PPFIBP2: variants seen among roughly 807,000 people sequenced by gnomAD.
PPFIBP2 encodes PPFIB scaffold protein 2.
Under a neutral mutation model 118.3 loss-of-function variants are expected in PPFIBP2, and 118 were observed. The observed-to-expected ratio is 1.00, with a 90% CI of 0.86 to 1.16. The LOEUF is 1.16. Among genes scored for constraint, PPFIBP2 ranks in the 50% most tolerant of loss-of-function variants. PPFIBP2 has a pLI of 0.00. For missense variants in PPFIBP2, 1,195 were observed against 1,073.1 expected, an observed-to-expected ratio of 1.11 and a Z score of -1.59; for synonymous variants, 414 against 397.4, an observed-to-expected ratio of 1.04 and a Z score of -0.50.
chr11:7,588,196 A>C (rs185657629), intron 3 of PPFIBP2, among the ~76,000 whole-genome samples: 5 of 152,292 alleles, frequency 3.3e-5, no homozygotes, highest in African/African-American at 1.2e-4. Flanking sequence ...GAGGGATGGG[A>C]GAGGTAGGGA....
chr11:7,565,914 C>T, intron 3 of PPFIBP2, 147 bp downstream of exon 3: 7 of 838,930 alleles, frequency 8.3e-6, no homozygotes, highest in Non-Finnish European at 1.3e-5. Context: ...TGCAGGGTGG[C>T]CCTTCTTATC....
rs561125580 is a variant in PPFIBP2, at chr11:7,575,315, G to A, written c.279+9548G>A. Among the ~76,000 whole-genome samples the A allele has an allele frequency of 1.1e-3, 173 of 152,352 alleles. 1 individual carries two copies. The highest frequency in any genetic ancestry group is 4.0e-3 in the African/African-American group (166 of 41,578). ...GGAGTGGTCCAGTGTGACAAGGTCA[G>A]TGATGAAGTAGAGAGGGGAATTTAG... On this transcript the variant is annotated intron_variant, in intron 3 of 23. Coordinates refer to ENST00000299492, the MANE Select transcript of PPFIBP2 (RefSeq NM_003621.5).
At chr11:7,518,457 C>T (rs576106431) in intron 1 of PPFIBP2, among the ~76,000 whole-genome samples, 3 of 151,782 alleles carry the variant, frequency 2.0e-5, no homozygotes, top group South Asian at 4.2e-4. Context: ...CGTGTGGTCT[C>T]GATGGCAGCA....
At chr11:7,646,131 T>A (rs1316323125) in intron 17 of PPFIBP2, among the ~76,000 whole-genome samples, 2 of 152,228 alleles carry the variant, frequency 1.3e-5, no homozygotes, top group Non-Finnish European at 2.9e-5. Context: ...ATGAATGATA[T>A]GAATCCATTG....
chr11:7,519,706 G>A (rs549411725), intron 1 of PPFIBP2, among the ~76,000 whole-genome samples: 5 of 152,250 alleles, frequency 3.3e-5, no homozygotes, highest in African/African-American at 1.2e-4. Flanking sequence ...GGACGGAGAC[G>A]ATAAAAGGAG....
At chr11:7,642,883 G>A (rs939806948) in intron 17 of PPFIBP2, among the ~76,000 whole-genome samples, 2 of 152,314 alleles carry the variant, frequency 1.3e-5, no homozygotes, top group Middle Eastern at 3.4e-3. Context: ...CCCTGCGGAA[G>A]GGAGTCTTAG....
At chr11:7,585,270 G>C (rs1220211723) in intron 3 of PPFIBP2, among the ~76,000 whole-genome samples, 5 of 152,164 alleles carry the variant, frequency 3.3e-5, no homozygotes, top group African/African-American at 1.2e-4. Context: ...GCATTTTGAG[G>C]ATCCCAAGGC....
At position 7,610,549 on chromosome 11, in the gene PPFIBP2, G is replaced by A. The variant is rs115698134; in HGVS notation, c.618+127G>A. On this transcript the variant is annotated intron_variant, in intron 6 of 23. Transcript: ENST00000299492. ...CCAGAAATATCTATACACTAGAGATGCAGTGATCTGTTAATACCAAGTTAT... is the reference window on the plus strand; with the variant it reads ...CCAGAAATATCTATACACTAGAGATACAGTGATCTGTTAATACCAAGTTAT... 1.5e-5 allele frequency: 19 copies of A among 1,299,960 alleles called. No homozygotes were observed. In the African/African-American group the frequency reaches 1.9e-4, roughly 13 times the overall value. The allele number at this position is 1,299,960 out of a possible 1,614,324, so 80.5% of individuals were successfully genotyped here. A position where few individuals can be genotyped will look rare whatever the true frequency, so the allele number is the denominator to read the frequency against.
Position 7,628,318 on chromosome 11 carries a change from A to G in PPFIBP2, c.860A>G (p.Glu287Gly), listed in dbSNP as rs1482631642. The part of the protein sequence containing the change: ...QEIQRLKMGM[E>G]TLLLANEDKD... ...ATTCAACGTCTGAAAATGGGGATGGAAACTTTGCTGCTTGCCAATGAAGAT... is the reference window on the plus strand; with the variant it reads ...ATTCAACGTCTGAAAATGGGGATGGGAACTTTGCTGCTTGCCAATGAAGAT... Residue 287 changes from glutamate (E) to glycine (G), a missense_variant, in exon 9 of 24, where the codon GAA becomes GGA. Coordinates refer to ENST00000299492, the MANE Select transcript of PPFIBP2 (RefSeq NM_003621.5). The G allele has an allele frequency of 6.2e-7, 1 of 1,613,988 alleles. No individual in the cohort carries two copies. Among genetic ancestry groups the G allele is most frequent in the African/African-American group, 1.3e-5 (1 of 75,028 alleles).
At chr11:7,605,919 G>C (rs1211347417) in intron 5 of PPFIBP2, 5 of 1,523,752 alleles carry the variant, frequency 3.3e-6, no homozygotes, top group Non-Finnish European at 4.4e-6. Context: ...AAGCCTGTTG[G>C]AGCTGAGGTC....
chr11:7,665,803 G>A, the PPFIBP2 span: 4 of 1,509,736 alleles, frequency 2.6e-6, no homozygotes, highest in East Asian at 2.5e-5. Flanking sequence ...CATTGACGAG[G>A]AAGGAGAACA....
chr11:7,598,963 A>G (rs1270786870), intron 5 of PPFIBP2, among the ~76,000 whole-genome samples: 3 of 140,246 alleles, frequency 2.1e-5, no homozygotes, highest in Non-Finnish European at 4.5e-5. Context: ...TGATTCAGGA[A>G]CTTTTGTTTG....
rs190918896 is a variant in PPFIBP2, at chr11:7,652,811, G to T, written c.2437-213G>T. Among the ~76,000 whole-genome samples the T allele has an allele frequency of 3.6e-4, 55 of 152,280 alleles. 1 individual carries two copies. The South Asian group carries it at 9.3e-3, about 26-fold the overall frequency. On this transcript the variant is annotated intron_variant, in intron 23 of 23. Coordinates refer to ENST00000299492, the MANE Select transcript of PPFIBP2 (RefSeq NM_003621.5). The stretch of plus-strand genomic sequence containing the variant: ...TGAGTTTCAGGCATAGTATTGGAGG[G>T]GCAGCTCTTATTGTTCAAGATTATT...
At chr11:7,533,791 A>G (rs1195434119) in intron 1 of PPFIBP2, among the ~76,000 whole-genome samples, 1 of 152,218 alleles carries the variant, frequency 6.6e-6, no homozygotes, top group Non-Finnish European at 1.5e-5. Flanking sequence ...GGTCCAGTGA[A>G]GCTGGAACTC....
intron 3 of PPFIBP2, among the ~76,000 whole-genome samples, chr11:7,573,111 T>G (rs1339170452): frequency 6.6e-6 from 1 of 152,182 alleles, no homozygotes; most frequent in Non-Finnish European, 1.5e-5. Flanking sequence ...TTTCCTAACT[T>G]CTTACTCCTC....
At chr11:7,644,798 CG>C (rs1382686032) in intron 17 of PPFIBP2, among the ~76,000 whole-genome samples, 3 of 151,678 alleles carry the variant, frequency 2.0e-5, no homozygotes, top group Non-Finnish European at 4.4e-5. Context: ...GAGGCCGAGG[CG>C]GGCGGATCAC....
chr11:7,527,429 C>G (rs1850328358), intron 1 of PPFIBP2, among the ~76,000 whole-genome samples: 1 of 151,996 alleles, frequency 6.6e-6, no homozygotes, highest in African/African-American at 2.4e-5. Context: ...AGAGGTAGAG[C>G]ATACTTCTCA....
At position 7,642,065 on chromosome 11, in the gene PPFIBP2, G is replaced by A. The variant is rs187723498; in HGVS notation, c.1518-233G>A. On this transcript the variant is annotated intron_variant, in intron 16 of 23. Transcript: ENST00000299492. ...GGCCTCCTACAAGGCATCAAACTTT[G>A]CTTTGACTTCTATGGCAAGTGACCA... The A allele has an allele frequency of 6.1e-6, 3 of 494,238 alleles. No individual in the cohort carries two copies. The East Asian group carries it at 1.0e-4, about 17-fold the overall frequency. 30.6% of individuals were successfully genotyped at this position (494,238 alleles called of 1,614,324 possible). A position where few individuals can be genotyped will look rare whatever the true frequency, so the allele number is the denominator to read the frequency against.
intron 8 of PPFIBP2, 58 bp from the exon 9 acceptor site, chr11:7,628,227 G>C: frequency 6.9e-7 from 1 of 1,442,322 alleles, no homozygotes; most frequent in Non-Finnish European, 9.6e-7. Flanking sequence ...ATCATAGCAA[G>C]TGCGGATAGC....
Sources: allele counts gnomAD v4.1 joint callset (sites outside exome capture counted in the v4.1 genomes callset), GRCh38; gene constraint gnomAD v4.1.1; transcripts MANE v1.5; gene names NCBI Gene and HGNC (gene_info 2026-07-23, HGNC 2026-07-21).